Variants in TRPM3 observed in about 807,000 individuals in gnomAD.
TRPM3 encodes the protein long transient receptor potential channel 3.
In TRPM3, 77 loss-of-function variants were observed where a neutral mutation model predicts 181.2. The ratio of observed to expected loss-of-function variants is 0.42; its 90% CI spans 0.35 to 0.51. The LOEUF (loss-of-function observed/expected upper bound fraction) is 0.51. Among genes scored for constraint, TRPM3 ranks in the 20% least tolerant of loss-of-function variants. TRPM3 has a pLI of 0.01. For synonymous variants in TRPM3, 745 were observed against 796.4 expected (o/e 0.94, Z 1.09); for missense variants, 1,759 against 2,196.7 (o/e 0.80, Z 3.98).
rs558270397 is a variant in TRPM3, at chr9:71,167,413, G to T, written c.183+279240C>A. On this transcript the variant is annotated intron_variant, in intron 1 of 24. Coordinates refer to the TRPM3 transcript ENST00000357533. ...TAGAAGACATGAAGGACACAAGCGT[G>T]AACTTACCAGAATAATGCCTGCCTC... Among the ~76,000 whole-genome samples, 131 of 148,620 alleles carry T rather than the reference G, an allele frequency of 8.8e-4. 1 individual carries two copies. The highest frequency in any genetic ancestry group is 2.5e-3 in the African/African-American group (103 of 41,354).
intron 1 of TRPM3, among the ~76,000 whole-genome samples, chr9:71,373,822 A>C (rs1425782625): frequency 6.6e-6 from 1 of 152,188 alleles, no homozygotes; most frequent in Non-Finnish European, 1.5e-5. Context: ...GAGATACAAC[A>C]AAAAAGCAAA....
intron 1 of TRPM3, among the ~76,000 whole-genome samples, chr9:71,180,660 T>C (rs918599345): frequency 6.6e-5 from 10 of 152,156 alleles, no homozygotes; most frequent in Admixed American, 4.6e-4. Flanking sequence ...CAGATCCACC[T>C]AGGCCACATT....
chr9:70,696,187 G>A (rs2070363321), intron 8 of TRPM3, among the ~76,000 whole-genome samples: 1 of 152,158 alleles, frequency 6.6e-6, no homozygotes, highest in African/African-American at 2.4e-5. Flanking sequence ...GAATGTTTGT[G>A]GAATAATTCC....
At chr9:71,151,049 T>A (rs2075708631) in intron 1 of TRPM3, among the ~76,000 whole-genome samples, 1 of 152,186 alleles carries the variant, frequency 6.6e-6, no homozygotes, top group African/African-American at 2.4e-5. Context: ...CTATCTATTC[T>A]CTAACCAAAT....
chr9:71,179,027 G>A (rs1030392965), intron 1 of TRPM3, among the ~76,000 whole-genome samples: 10 of 152,096 alleles, frequency 6.6e-5, no homozygotes, highest in Non-Finnish European at 4.4e-5. Flanking sequence ...GAAATTTCAT[G>A]CATTACAATG....
chr9:71,022,824 T>A (rs2097857735), intron 1 of TRPM3, among the ~76,000 whole-genome samples: 1 of 151,926 alleles, frequency 6.6e-6, no homozygotes. Context: ...ATCCCAGAAC[T>A]TAAAGTATAA....
At chr9:70,689,268 G>A (rs554339438) in intron 8 of TRPM3, among the ~76,000 whole-genome samples, 30 of 152,156 alleles carry the variant, frequency 2.0e-4, no homozygotes, top group Admixed American at 3.9e-4. Context: ...ATGGGTAAAT[G>A]TATATTTTGC....
intron 9 of TRPM3, among the ~76,000 whole-genome samples, chr9:70,662,589 CA>C (rs1332518859): frequency 6.6e-6 from 1 of 152,034 alleles, no homozygotes; most frequent in Non-Finnish European, 1.5e-5. Flanking sequence ...AGGTCATGAA[CA>C]GACACTTCTC....
chr9:71,033,259 G>A (rs2057762134), intron 1 of TRPM3, among the ~76,000 whole-genome samples: 1 of 152,220 alleles, frequency 6.6e-6, no homozygotes, highest in African/African-American at 2.4e-5. Flanking sequence ...TAAGATACAA[G>A]TTGTACTGAG....
At chr9:70,687,803 C>G (rs952769734) in intron 8 of TRPM3, among the ~76,000 whole-genome samples, 1 of 152,202 alleles carries the variant, frequency 6.6e-6, no homozygotes, top group African/African-American at 2.4e-5. Context: ...CACTCTCACC[C>G]TCTTGCATGT....
At chr9:71,090,490 C>G (rs1591337986) in intron 1 of TRPM3, among the ~76,000 whole-genome samples, 1 of 152,314 alleles carries the variant, frequency 6.6e-6, no homozygotes, top group East Asian at 1.9e-4. Flanking sequence ...CACCACCAAC[C>G]TGGTCACCCT....
intron 7 of TRPM3, among the ~76,000 whole-genome samples, chr9:70,766,465 A>G (rs1487395488): frequency 6.6e-6 from 1 of 152,172 alleles, no homozygotes; most frequent in Non-Finnish European, 1.5e-5. Flanking sequence ...ATTTTCTATT[A>G]GTTTATTCAG....
chr9:71,096,108 T>C (rs1823097879), intron 1 of TRPM3, among the ~76,000 whole-genome samples: 1 of 152,042 alleles, frequency 6.6e-6, no homozygotes, highest in Non-Finnish European at 1.5e-5. Flanking sequence ...GGACGAAGTA[T>C]GATTTTAAGT....
At chr9:71,237,111 A>AG (rs1335734880) in intron 1 of TRPM3, among the ~76,000 whole-genome samples, 1 of 151,292 alleles carries the variant, frequency 6.6e-6, no homozygotes, top group African/African-American at 2.4e-5. Flanking sequence ...GAAAGGGGAA[A>AG]GGAAAAGGAA....
intron 1 of TRPM3, among the ~76,000 whole-genome samples, chr9:70,949,657 G>T (rs1012185773): frequency 2.0e-5 from 3 of 151,774 alleles, no homozygotes; most frequent in Non-Finnish European, 4.4e-5. Flanking sequence ...TTCCTCCTTA[G>T]TCTCCCGAGT....
At chr9:70,567,791 G>A (rs1382866489) in intron 22 of TRPM3, among the ~76,000 whole-genome samples, 1 of 152,178 alleles carries the variant, frequency 6.6e-6, no homozygotes, top group East Asian at 1.9e-4. Context: ...GTATTCGTGG[G>A]GGTATTTACG....
At chr9:70,832,451 C>T (rs1199261598) in intron 5 of TRPM3, among the ~76,000 whole-genome samples, 1 of 152,056 alleles carries the variant, frequency 6.6e-6, no homozygotes, top group Non-Finnish European at 1.5e-5. Context: ...AGAATTCTTG[C>T]CTCATTAATC....
At chr9:70,744,330 A>AG (rs1342100192) in intron 8 of TRPM3, among the ~76,000 whole-genome samples, 1 of 172 alleles carries the variant, frequency 5.8e-3, no homozygotes, top group East Asian at 0.17. Context: ...TCTCTGTCTC[A>AG]AAAAAAAAAA....
Position 70,694,727 on chromosome 9 carries a change from G to A in TRPM3, c.1273-13149C>T, listed in dbSNP as rs543388362. ...AATCTCCTGACCTCGTGATCCACCC[G>A]CCTCGGCCTCCCAAAGTGCTGGGAT... On this transcript the variant is annotated intron_variant, in intron 8 of 25. Transcript: ENST00000677713. 4.6e-5 allele frequency among the ~76,000 whole-genome samples: 7 copies of A among 152,268 alleles called. No individual in the cohort carries two copies. In the East Asian group the frequency reaches 7.7e-4, roughly 17 times the overall value.
Sources: gnomAD v4.1 joint callset for allele counts (sites outside exome capture counted in the v4.1 genomes callset) on GRCh38, gnomAD v4.1.1 for gene constraint, MANE v1.5 for transcripts, NCBI Gene and HGNC (gene_info 2026-07-23, HGNC 2026-07-21) for gene names.